The following ABCA13 variants were observed in gnomAD, a reference collection of about 807,000 sequenced individuals.
The protein encoded by ABCA13 is ATP binding cassette subfamily A member 13.
A neutral mutation model predicts 478.7 loss-of-function variants in ABCA13; 476 were observed. The ratio of observed to expected loss-of-function variants is 0.99; its 90% confidence interval spans 0.92 to 1.07. The LOEUF is 1.07. Ranked by LOEUF, ABCA13 falls within the 50% of genes least tolerant of loss-of-function variation. The probability of loss-of-function intolerance (pLI) is 0.00; values close to 1 mark genes in which losing one functional copy is unlikely to be tolerated. For missense variants in ABCA13, 6,060 were observed against 5,910.6 expected (o/e 1.03, Z -0.83); for synonymous variants, 2,252 against 2,158.9 (o/e 1.04, Z -1.20).
chr7:48,224,007 A>G (rs1407816059), intron 5 of ABCA13, among the ~76,000 whole-genome samples: 1 of 150,670 alleles, frequency 6.6e-6, no homozygotes, highest in Non-Finnish European at 1.5e-5. Context: ...GGGGCAGGTA[A>G]GTGGAGACAG....
At chr7:48,265,722 G>T (rs1322759321) in intron 15 of ABCA13, among the ~76,000 whole-genome samples, 1 of 151,466 alleles carries the variant, frequency 6.6e-6, no homozygotes. Context: ...AATAAAGATG[G>T]TTTAATTGTT....
chr7:48,183,235 T>A (rs757121605), intron 1 of ABCA13, among the ~76,000 whole-genome samples: 10 of 152,232 alleles, frequency 6.6e-5, no homozygotes, highest in Admixed American at 2.6e-4. Flanking sequence ...ATTTTATTCT[T>A]TGTGGTTTTT....
At position 48,273,796 on chromosome 7, in the gene ABCA13, C is replaced by A. The variant is rs527278126; in HGVS notation, c.4130C>A (p.Thr1377Lys). ...TSQRMLRILD[T>K]LNSTFSSENT... ...CAGAGGATGTTACGTATTCTAGACA[C>A]GTTAAATTCCACATTTTCCTCTGAG... Residue 1377 changes from threonine to lysine, a missense_variant, in exon 17 of 62, where the codon ACG becomes AAG. Physicochemically the swap from Thr to Lys is moderately conservative, Grantham distance 78. Around this residue, in one of 3 missense-constraint regions of ABCA13, gnomAD observed 4,423 missense variants for 4,309.1 expected, o/e 1.03. Coordinates refer to ENST00000435803, the MANE Select transcript of ABCA13 (RefSeq NM_152701.5). The A allele has an allele frequency of 1.2e-6, 2 of 1,611,242 alleles. No individual in the cohort carries two copies. Among genetic ancestry groups the A allele is most frequent in the Middle Eastern group, 1.7e-4 (1 of 6,056 alleles).
rs192610053 is a variant in ABCA13, at chr7:48,423,959, G to A, written c.12460-3807G>A. 4.6e-5 allele frequency among the ~76,000 whole-genome samples: 7 copies of A among 152,334 alleles called. No individual in the cohort carries two copies. The East Asian group carries it at 1.4e-3, about 29-fold the overall frequency. ...AATATTCTACTTCTTTTGTATGAAA[G>A]TGGGAAGGTGTAGGTCTTATTTGGT... is the stretch of plus-strand genomic sequence containing the variant. On this transcript the variant is annotated intron_variant, in intron 41 of 61. Transcript: ENST00000435803.
Position 48,227,469 on chromosome 7 carries a change from T to G in ABCA13, c.632+44T>G, listed in dbSNP as rs1788397667. 5 of 1,583,558 alleles carry G rather than the reference T, an allele frequency of 3.2e-6. No individual in the cohort carries two copies. In the African/African-American group the frequency reaches 6.8e-5, roughly 22 times the overall value. On this transcript the variant is annotated intron_variant, in intron 6 of 61. Coordinates refer to ENST00000435803, the MANE Select transcript of ABCA13 (RefSeq NM_152701.5). The stretch of plus-strand genomic sequence containing the variant: ...CATAACTAAGTATCAATATGTTGTT[T>G]TTTTACCTTATTTTTAAAATGAGAA...
chr7:48,215,956 A>G (rs954411824), intron 3 of ABCA13, among the ~76,000 whole-genome samples: 6 of 152,308 alleles, frequency 3.9e-5, no homozygotes, highest in Non-Finnish European at 7.4e-5. Context: ...TTTAAAATTG[A>G]TGATCAACTA....
At chr7:48,241,284 G>A (rs1036410845) in intron 10 of ABCA13, among the ~76,000 whole-genome samples, 5 of 152,184 alleles carry the variant, frequency 3.3e-5, no homozygotes, top group African/African-American at 7.2e-5. Context: ...GCAATCGACC[G>A]AATACGGGAG....
At chr7:48,407,694 T>C (rs1585188440) in intron 39 of ABCA13, among the ~76,000 whole-genome samples, 1 of 151,764 alleles carries the variant, frequency 6.6e-6, no homozygotes, top group African/African-American at 2.4e-5. Flanking sequence ...GTAGCTGGGA[T>C]TACAGGTGTG....
Position 48,275,033 on chromosome 7 carries a change from A to G in ABCA13, c.5367A>G (p.Glu1789=), listed in dbSNP as rs2128757928. The G allele has an allele frequency of 1.2e-6, 2 of 1,613,900 alleles. No individual in the cohort carries two copies. The highest frequency in any genetic ancestry group is 1.1e-5 in the South Asian group (1 of 91,074). ...TAACCATTTCAAATATCACCAAGGA[A>G]GACTTCGCAATTGTGATAAAAATTC... ...HGITISNITK[E]DFAIVIKILL... is the part of the protein sequence containing the mutation. The change falls in exon 17 of 62, where the codon GAA becomes GAG. Residue 1789 remains glutamate, a synonymous_variant. Transcript: ENST00000435803.
intron 55 of ABCA13, among the ~76,000 whole-genome samples, chr7:48,549,487 C>T (rs1785119264): frequency 6.6e-6 from 1 of 151,896 alleles, no homozygotes; most frequent in South Asian, 2.1e-4. Flanking sequence ...TGGGTTGGTT[C>T]CATGTCTTTG....
intron 38 of ABCA13, among the ~76,000 whole-genome samples, chr7:48,396,104 T>C (rs929647178): frequency 6.6e-6 from 1 of 152,216 alleles, no homozygotes; most frequent in African/African-American, 2.4e-5. Context: ...CTCCTGCCCA[T>C]GCTGGTTTTC....
intron 41 of ABCA13, among the ~76,000 whole-genome samples, chr7:48,418,541 G>T (rs145146181): frequency 6.6e-6 from 1 of 152,228 alleles, no homozygotes; most frequent in African/African-American, 2.4e-5. Flanking sequence ...TGGGCTGTTT[G>T]CTTTCTTATT....
At chr7:48,532,633 G>A (rs1002480050) in intron 55 of ABCA13, among the ~76,000 whole-genome samples, 7 of 151,846 alleles carry the variant, frequency 4.6e-5, no homozygotes, top group African/African-American at 1.7e-4. Context: ...CTCTGGTACT[G>A]GATTTGTTTT....
intron 57 of ABCA13, among the ~76,000 whole-genome samples, chr7:48,594,506 G>A (rs1790083943): frequency 6.6e-6 from 1 of 152,062 alleles, no homozygotes; most frequent in East Asian, 1.9e-4. Flanking sequence ...GGCTGGAGGA[G>A]TCAGGCCCTC....
At chr7:48,193,096 G>GA in intron 2 of ABCA13, 44 bp downstream of exon 2, 49 of 1,359,936 alleles carry the variant, frequency 3.6e-5, no homozygotes, top group Non-Finnish European at 4.1e-5. Context: ...AACCTTTGGA[G>GA]AAAAAAAACT....
chr7:48,233,029 A>G (rs1279714772), intron 7 of ABCA13, among the ~76,000 whole-genome samples: 2 of 152,202 alleles, frequency 1.3e-5, no homozygotes, highest in Non-Finnish European at 2.9e-5. Flanking sequence ...AATCTCAGAC[A>G]CCAATCTTTT....
At chr7:48,332,138 T>G (rs1472776602) in intron 27 of ABCA13, among the ~76,000 whole-genome samples, 1 of 152,218 alleles carries the variant, frequency 6.6e-6, no homozygotes, top group Non-Finnish European at 1.5e-5. Context: ...TCTTTAACCA[T>G]TTACACATTG....
At chr7:48,410,093 C>CAAAAAAAAAAAAA (rs58724216) in intron 39 of ABCA13, among the ~76,000 whole-genome samples, 2 of 67,198 alleles carry the variant, frequency 3.0e-5, no homozygotes, top group Non-Finnish European at 5.7e-5. Context: ...GACTCCATCT[C>CAAAAAAAAAAAAA]AAAAAAAAAA....
intron 37 of ABCA13, among the ~76,000 whole-genome samples, chr7:48,391,064 G>A (rs1378148174): frequency 6.6e-6 from 1 of 152,150 alleles, no homozygotes; most frequent in Non-Finnish European, 1.5e-5. Context: ...AGCAGAACTA[G>A]GCAATTCTGA....
Sources: allele counts gnomAD v4.1 joint callset (sites outside exome capture counted in the v4.1 genomes callset), GRCh38; gene constraint gnomAD v4.1.1; regional missense constraint gnomAD v4.1.1; transcripts MANE v1.5; gene names NCBI Gene and HGNC (gene_info 2026-07-23, HGNC 2026-07-21).